Variants in DMD observed in about 807,000 individuals in gnomAD.
DMD encodes mutant dystrophin.
A neutral mutation model predicts 330.1 loss-of-function variants in DMD; 63 were observed. The ratio of observed to expected loss-of-function variants is 0.19; its 90% CI spans 0.16 to 0.24. The LOEUF is 0.24. Ranked by LOEUF, DMD falls within the 10% of genes least tolerant of loss-of-function variation. The pLI is 1.00. For missense variants in DMD, 3,344 were observed against 2,684.1 expected (o/e 1.25, Z -5.43); for synonymous variants, 1,223 against 959.8 (o/e 1.27, Z -5.07).
chrX:32,593,862 G>A (rs997966865), intron 13 of DMD, among the ~76,000 whole-genome samples: 1 of 112,251 alleles, frequency 8.9e-6, no homozygotes, highest in Non-Finnish European at 1.9e-5. Flanking sequence ...GACTCTCTAC[G>A]CACTGACATC....
chrX:32,393,037 C>G (rs1464434224), intron 30 of DMD, among the ~76,000 whole-genome samples: 14 of 112,135 alleles, frequency 1.2e-4, no homozygotes, highest in Non-Finnish European at 2.1e-4. Context: ...TTTCTCAACA[C>G]GCAAAACCAT....
chrX:31,668,252 C>A (rs998706324), intron 53 of DMD, among the ~76,000 whole-genome samples: 19 of 111,268 alleles, frequency 1.7e-4, no homozygotes, highest in African/African-American at 6.2e-4. Flanking sequence ...GCTTGCAGTA[C>A]AAAAGTTTTA....
intron 62 of DMD, among the ~76,000 whole-genome samples, chrX:31,267,516 C>T (rs1006666771): frequency 1.8e-4 from 20 of 112,014 alleles, no homozygotes; most frequent in African/African-American, 6.2e-4. Flanking sequence ...CACCTGCGAA[C>T]TTCTTAGAAA....
intron 62 of DMD, among the ~76,000 whole-genome samples, chrX:31,313,609 T>C (rs1005221022): frequency 3.6e-5 from 4 of 111,273 alleles, no homozygotes; most frequent in Admixed American, 1.9e-4. Context: ...CCTGGGCTTT[T>C]AGTGTATCCA....
intron 30 of DMD, among the ~76,000 whole-genome samples, chrX:32,392,721 T>TC (rs1404235457): frequency 8.9e-6 from 1 of 112,741 alleles, no homozygotes; most frequent in African/African-American, 3.2e-5. Context: ...AAGTGCCAGT[T>TC]ATGGCAAAAG....
At chrX:31,816,801 C>CACAT (rs1176316531) in intron 50 of DMD, among the ~76,000 whole-genome samples, 6 of 101,594 alleles carry the variant, frequency 5.9e-5, no homozygotes, top group Non-Finnish European at 1.2e-4. Context: ...CTGTCACACA[C>CACAT]ACACACACAC....
At chrX:32,454,884 A>T (rs754332553) in intron 25 of DMD, 52 bp from the exon 26 acceptor site, 1 of 1,146,672 alleles carries the variant, frequency 8.7e-7, no homozygotes, top group South Asian at 1.8e-5. Flanking sequence ...ATGAAACATT[A>T]TTATTATATT....
chrX:32,913,754 C>T (rs1280103228), intron 2 of DMD, among the ~76,000 whole-genome samples: 1 of 112,013 alleles, frequency 8.9e-6, no homozygotes, highest in South Asian at 3.7e-4. Context: ...TATAGAAACT[C>T]ACTCATCCAA....
intron 9 of DMD, among the ~76,000 whole-genome samples, chrX:32,680,813 TAC>T (rs370094438): frequency 6.5e-5 from 7 of 107,621 alleles, no homozygotes; most frequent in African/African-American, 1.4e-4. Flanking sequence ...CAGAAACACA[TAC>T]ACACACACAC....
chrX:31,514,495 T>C (rs751926512), intron 55 of DMD, among the ~76,000 whole-genome samples: 26 of 111,976 alleles, frequency 2.3e-4, no homozygotes, highest in African/African-American at 8.1e-4. Context: ...TGCAGTTAAA[T>C]AGACATAGGT....
chrX:32,042,277 T>C (rs1263228206), intron 44 of DMD, among the ~76,000 whole-genome samples: 1 of 108,195 alleles, frequency 9.2e-6, no homozygotes, highest in Non-Finnish European at 1.9e-5. Context: ...GAAAGGGATT[T>C]AATTGACTCA....
Position 32,791,002 on chromosome X carries a change from A to C in DMD, c.649+18491T>G, listed in dbSNP as rs1220119829. 2.7e-5 allele frequency among the ~76,000 whole-genome samples: 3 copies of C among 110,221 alleles called. No homozygotes were observed. The East Asian group carries it at 8.7e-4, about 32-fold the overall frequency. Reference sequence around the variant, plus strand: ...TCTTCCAAATCCCCCAGTACATAAAAATTTGTATAGAGACCTGGGGCTCTC... The same window carrying C: ...TCTTCCAAATCCCCCAGTACATAAACATTTGTATAGAGACCTGGGGCTCTC... On this transcript the variant is annotated intron_variant, in intron 7 of 78. Coordinates refer to ENST00000357033, the MANE Select transcript of DMD (RefSeq NM_004006.3).
intron 49 of DMD, among the ~76,000 whole-genome samples, chrX:31,826,365 C>A (rs912384345): frequency 2.7e-5 from 3 of 112,399 alleles, no homozygotes; most frequent in African/African-American, 9.7e-5. Flanking sequence ...TTAGCAAATA[C>A]TTATGAAATG....
chrX:33,061,874 C>A (rs1221077665), intron 1 of DMD, among the ~76,000 whole-genome samples: 1 of 111,410 alleles, frequency 9.0e-6, no homozygotes, highest in Non-Finnish European at 1.9e-5. Context: ...TTTAGAGTTC[C>A]AGGTGTCCCT....
chrX:31,742,398 C>T (rs752899648), intron 51 of DMD, among the ~76,000 whole-genome samples: 7 of 112,083 alleles, frequency 6.2e-5, no homozygotes, highest in Non-Finnish European at 9.4e-5. Context: ...AAACATGTGA[C>T]TCTTTTTTTT....
At chrX:32,727,374 G>A (rs1603283375) in intron 7 of DMD, among the ~76,000 whole-genome samples, 1 of 110,812 alleles carries the variant, frequency 9.0e-6, no homozygotes, top group Admixed American at 9.6e-5. Context: ...ATGGTTTCAC[G>A]AGACCATTGA....
intron 9 of DMD, among the ~76,000 whole-genome samples, chrX:32,659,918 T>A (rs2147072241): frequency 9.0e-6 from 1 of 110,964 alleles, no homozygotes; most frequent in Non-Finnish European, 1.9e-5. Context: ...AGAATGGTAT[T>A]AATTCTTGGG....
chrX:31,988,755 A>G (rs2095529203), intron 44 of DMD, among the ~76,000 whole-genome samples: 1 of 109,630 alleles, frequency 9.1e-6, no homozygotes, highest in Admixed American at 9.7e-5. Flanking sequence ...GCACTCTCAC[A>G]CTCACGTTCT....
chrX:33,219,683 C>CTGTTTTATGTGGTA (rs2052134135), intron 1 of DMD, among the ~76,000 whole-genome samples: 1 of 111,107 alleles, frequency 9.0e-6, no homozygotes, highest in African/African-American at 3.3e-5. Context: ...TGATTCCCAA[C>CTGTTTTATGTGGTA]TGTTTTATGA....
Sources: gnomAD v4.1 joint callset for allele counts (sites outside exome capture counted in the v4.1 genomes callset) on GRCh38, gnomAD v4.1.1 for gene constraint, MANE v1.5 for transcripts, NCBI Gene and HGNC (gene_info 2026-07-23, HGNC 2026-07-21) for gene names.